The following ATF6 variants were observed in gnomAD, a reference collection of about 807,000 sequenced individuals.
ATF6 encodes activating transcription factor 6, also known as cyclic AMP-dependent transcription factor ATF-6 alpha.
A neutral mutation model predicts 83.6 loss-of-function variants in ATF6; 53 were observed. That is an observed-to-expected ratio of 0.63 (90% CI 0.51 to 0.80). The LOEUF (loss-of-function observed/expected upper bound fraction) is 0.80. Among genes scored for constraint, ATF6 ranks in the 30% least tolerant of loss-of-function variants. The pLI is 0.00. For synonymous variants in ATF6, 288 were observed against 285.8 expected, an observed-to-expected ratio of 1.01 and a Z score of -0.08; for missense variants, 744 against 797.9, an observed-to-expected ratio of 0.93 and a Z score of 0.81.
In ATF6 at chr1:161,872,363, C is replaced by G. The variant is rs78232532; in HGVS notation, c.1719+9051C>G. ...ATATCATATCTTTGAAGGTAGTCAACTTGGAGTTTAATTCCGTTGATCTCT... is the reference window on the plus strand; with the variant it reads ...ATATCATATCTTTGAAGGTAGTCAAGTTGGAGTTTAATTCCGTTGATCTCT... On this transcript the variant is annotated intron_variant, in intron 14 of 15. Transcript: ENST00000367942. Among the ~76,000 whole-genome samples, 13 of 151,706 alleles carry G rather than the reference C, an allele frequency of 8.6e-5. No individual in the cohort carries two copies. The East Asian group carries it at 2.3e-3, about 27-fold the overall frequency.
At chr1:161,879,911 C>T (rs1265592131) in intron 14 of ATF6, among the ~76,000 whole-genome samples, 2 of 152,022 alleles carry the variant, frequency 1.3e-5, no homozygotes, top group Non-Finnish European at 2.9e-5. Context: ...TTTGGCATGT[C>T]ATTCATCATT....
intron 14 of ATF6, among the ~76,000 whole-genome samples, chr1:161,895,862 G>A (rs1490261830): frequency 1.3e-5 from 2 of 152,186 alleles, no homozygotes; most frequent in Admixed American, 6.5e-5. Context: ...GTATGAGTAG[G>A]AGGGAATTCT....
At chr1:161,795,410 A>G (rs1016900506) in intron 6 of ATF6, among the ~76,000 whole-genome samples, 3 of 152,172 alleles carry the variant, frequency 2.0e-5, no homozygotes, top group African/African-American at 7.2e-5. Context: ...TTGAAACTTC[A>G]GTATGTTTCT....
intron 15 of ATF6, among the ~76,000 whole-genome samples, chr1:161,938,564 A>G (rs1490047839): frequency 6.6e-6 from 1 of 152,242 alleles, no homozygotes; most frequent in Non-Finnish European, 1.5e-5. Context: ...TAAGGCAGGC[A>G]AGAAGTTAGT....
chr1:161,910,186 A>G (rs1237346073), intron 14 of ATF6, among the ~76,000 whole-genome samples: 2 of 152,178 alleles, frequency 1.3e-5, no homozygotes, highest in African/African-American at 4.8e-5. Context: ...ATATATAGAT[A>G]AGATAGATAA....
chr1:161,948,759 T>C (rs1223680357), intron 15 of ATF6, among the ~76,000 whole-genome samples: 1 of 152,200 alleles, frequency 6.6e-6, no homozygotes, highest in African/African-American at 2.4e-5. Context: ...AATAAAACTA[T>C]TTATAAATCC....
At chr1:161,783,698 TC>T (rs1387487183) in intron 3 of ATF6, among the ~76,000 whole-genome samples, 1 of 152,068 alleles carries the variant, frequency 6.6e-6, no homozygotes, top group Non-Finnish European at 1.5e-5. Context: ...ACCAGTTTCT[TC>T]TGTTTACCCT....
Position 161,964,042 on chromosome 1 carries a change from A to G in ATF6, c.*5388A>G, listed in dbSNP as rs1689156847. ...TCTTTATACTACCTGTTATTTCTCT[A>G]AAATTCAAATAAAGAATTTTTAAAC... On this transcript the variant is annotated 3_prime_UTR_variant, in exon 16 of 16. Coordinates refer to ENST00000367942, the MANE Select transcript of ATF6 (RefSeq NM_007348.4). The G allele has an allele frequency of 6.6e-6, 1 of 152,244 alleles. No individual in the cohort carries two copies. The highest frequency in any genetic ancestry group is 1.5e-5 in the Non-Finnish European group (1 of 68,044). The allele number at this position is 152,244 out of a possible 1,614,324, so 9.4% of individuals were successfully genotyped here. A position where few individuals can be genotyped will look rare whatever the true frequency, so the allele number is the denominator to read the frequency against.
chr1:161,850,194 ACTT>A (rs1444642251), intron 10 of ATF6, among the ~76,000 whole-genome samples: 3 of 152,094 alleles, frequency 2.0e-5, no homozygotes, highest in Non-Finnish European at 4.4e-5. Flanking sequence ...CACTTTTATG[ACTT>A]CTTATTACAT....
intron 9 of ATF6, among the ~76,000 whole-genome samples, chr1:161,826,603 A>G (rs1685906753): frequency 6.6e-6 from 1 of 152,216 alleles, no homozygotes; most frequent in South Asian, 2.1e-4. Flanking sequence ...AATATTAGGA[A>G]CTATTCAAGT....
At chr1:161,941,654 C>G (rs1688644145) in intron 15 of ATF6, among the ~76,000 whole-genome samples, 1 of 152,066 alleles carries the variant, frequency 6.6e-6, no homozygotes, top group African/African-American at 2.4e-5. Flanking sequence ...CAGGAAAAGC[C>G]CCAAGGTTTT....
intron 13 of ATF6, 65 bp downstream of exon 13, chr1:161,860,342 A>C: frequency 3.3e-6 from 4 of 1,211,614 alleles, no homozygotes; most frequent in Non-Finnish European, 4.5e-6. Flanking sequence ...GAAAGTTGAA[A>C]TTCACACTTC....
At chr1:161,820,061 C>T (rs1290847547) in intron 8 of ATF6, among the ~76,000 whole-genome samples, 1 of 152,160 alleles carries the variant, frequency 6.6e-6, no homozygotes, top group African/African-American at 2.4e-5. Flanking sequence ...CATTCATTGC[C>T]TTAGCACCCT....
At chr1:161,778,428 T>A in intron 2 of ATF6, 108 bp downstream of exon 2, 1 of 745,222 alleles carries the variant, frequency 1.3e-6, no homozygotes, top group Non-Finnish European at 2.2e-6. Flanking sequence ...GTTACATACT[T>A]AATGGTAAAT....
chr1:161,849,531 G>A (rs1264826359), intron 10 of ATF6, among the ~76,000 whole-genome samples: 2 of 152,318 alleles, frequency 1.3e-5, no homozygotes, highest in South Asian at 4.1e-4. Flanking sequence ...GCATTTGGCT[G>A]TGTGGGTCAT....
chr1:161,766,798 A>G (rs574657459), intron 1 of ATF6, among the ~76,000 whole-genome samples: 1 of 152,354 alleles, frequency 6.6e-6, no homozygotes, highest in South Asian at 2.1e-4. Context: ...TGAGTGTGAA[A>G]TGTGGGCGGT....
intron 15 of ATF6, among the ~76,000 whole-genome samples, chr1:161,921,000 G>A (rs1413984940): frequency 6.6e-6 from 1 of 151,752 alleles, no homozygotes; most frequent in Non-Finnish European, 1.5e-5. Context: ...CAAGGTGCTG[G>A]GATTACAGGT....
rs1324266321 is a variant in ATF6 at position 161,960,189 on chromosome 1, C to T, written c.*1535C>T. On this transcript the variant is annotated 3_prime_UTR_variant, in exon 16 of 16. Transcript: ENST00000367942. ...ATTTGATGAATTCATAGAACTGGATCTCATACAGCGATGTCCTCTCTAATG... is the reference window on the plus strand; with the variant it reads ...ATTTGATGAATTCATAGAACTGGATTTCATACAGCGATGTCCTCTCTAATG... 1 of 151,842 alleles carries T rather than the reference C, an allele frequency of 6.6e-6. No individual in the cohort carries two copies. Among genetic ancestry groups the T allele is most frequent in the African/African-American group, 2.4e-5 (1 of 41,320 alleles). 9.4% of individuals were successfully genotyped at this position (151,842 alleles called of 1,614,324 possible).
At chr1:161,793,922 ATTTGAGAC>A (rs1684944774) in intron 6 of ATF6, among the ~76,000 whole-genome samples, 2 of 151,150 alleles carry the variant, frequency 1.3e-5, no homozygotes, top group Non-Finnish European at 3.0e-5. Context: ...TTTTTCTTTT[ATTTGAGAC>A]AGAGTCTCGC....
Sources: gnomAD v4.1 joint callset for allele counts (sites outside exome capture counted in the v4.1 genomes callset) on GRCh38, gnomAD v4.1.1 for gene constraint, MANE v1.5 for transcripts, NCBI Gene and HGNC (gene_info 2026-07-23, HGNC 2026-07-21) for gene names.